Variants in CNTN4 observed in about 807,000 individuals in gnomAD.
The protein encoded by CNTN4 is contactin-4.
CNTN4 carries 77 observed loss-of-function variants against 122.5 expected under a neutral mutation model. That is an observed-to-expected ratio of 0.63 (90% CI 0.52 to 0.76). The LOEUF is 0.76. Ranked by LOEUF, CNTN4 falls within the 30% of genes least tolerant of loss-of-function variation. The pLI is 0.00. For synonymous variants in CNTN4, 512 were observed against 447.0 expected, an observed-to-expected ratio of 1.15 and a Z score of -1.83; for missense variants, 1,256 against 1,259.1, an observed-to-expected ratio of 1.00 and a Z score of 0.04.
intron 3 of CNTN4, among the ~76,000 whole-genome samples, chr3:2,566,605 G>A (rs984536785): frequency 2.0e-5 from 3 of 152,102 alleles, no homozygotes; most frequent in Non-Finnish European, 2.9e-5. Context: ...TATTTGGTGG[G>A]GGCCAGGAGG....
chr3:2,809,783 G>A (rs1260361412), intron 6 of CNTN4, among the ~76,000 whole-genome samples: 5 of 152,184 alleles, frequency 3.3e-5, no homozygotes, highest in Non-Finnish European at 7.3e-5. Context: ...AACCTCATGA[G>A]TTAGATAGGT....
At chr3:2,967,200 C>T (rs912218588) in intron 13 of CNTN4, among the ~76,000 whole-genome samples, 23 of 152,074 alleles carry the variant, frequency 1.5e-4, no homozygotes, top group Admixed American at 4.6e-4. Flanking sequence ...CATAGGAAGT[C>T]GTAGCTGTCT....
At chr3:2,886,950 A>G (rs768088508) in intron 9 of CNTN4, 90 bp from the exon 10 acceptor site, 84 of 1,086,952 alleles carry the variant, frequency 7.7e-5, no homozygotes, top group Non-Finnish European at 1.1e-4. Context: ...CCAACCTTAT[A>G]TGTGTAGAAC....
chr3:2,267,320 T>G (rs2041093399), intron 2 of CNTN4, among the ~76,000 whole-genome samples: 1 of 152,152 alleles, frequency 6.6e-6, no homozygotes, highest in African/African-American at 2.4e-5. Context: ...AGAACACTAT[T>G]TCAAAGAGCC....
At chr3:2,152,013 G>T (rs574911161) in intron 2 of CNTN4, among the ~76,000 whole-genome samples, 1 of 152,194 alleles carries the variant, frequency 6.6e-6, no homozygotes, top group Non-Finnish European at 1.5e-5. Context: ...TAACTGATCA[G>T]TGTTTTAAAA....
intron 2 of CNTN4, among the ~76,000 whole-genome samples, chr3:2,284,985 C>A: frequency 6.6e-6 from 1 of 151,520 alleles, no homozygotes; most frequent in Non-Finnish European, 1.5e-5. Flanking sequence ...AGTTTTTATT[C>A]TCTCTATATA....
chr3:2,680,917 T>C (rs2085130165), intron 4 of CNTN4, among the ~76,000 whole-genome samples: 1 of 152,230 alleles, frequency 6.6e-6, no homozygotes, highest in Non-Finnish European at 1.5e-5. Flanking sequence ...GTTTTCTAGA[T>C]GTTCTACAGT....
chr3:2,653,218 CT>C (rs897839805), intron 4 of CNTN4, among the ~76,000 whole-genome samples: 3 of 152,054 alleles, frequency 2.0e-5, no homozygotes, highest in East Asian at 3.9e-4. Context: ...AAAGCAAGGA[CT>C]TTTTTTATTT....
chr3:2,489,804 A>G (rs1460322692), intron 3 of CNTN4, among the ~76,000 whole-genome samples: 2 of 152,100 alleles, frequency 1.3e-5, no homozygotes, highest in Admixed American at 1.3e-4. Flanking sequence ...CTTTCTTTCT[A>G]CTTTCCTCCC....
chr3:2,945,245 A>T (rs189969645), intron 13 of CNTN4, among the ~76,000 whole-genome samples: 139 of 152,216 alleles, frequency 9.1e-4, no homozygotes, highest in African/African-American at 2.8e-3. Flanking sequence ...CATTATTTTT[A>T]AAAAAATGTC....
At chr3:2,966,598 T>C (rs1416998217) in intron 13 of CNTN4, among the ~76,000 whole-genome samples, 1 of 152,170 alleles carries the variant, frequency 6.6e-6, no homozygotes, top group African/African-American at 2.4e-5. Flanking sequence ...TAATTTATTG[T>C]ATATTTTGAA....
intron 4 of CNTN4, among the ~76,000 whole-genome samples, chr3:2,694,530 G>C (rs546688768): frequency 6.6e-6 from 1 of 152,200 alleles, no homozygotes; most frequent in East Asian, 1.9e-4. Context: ...AGGAGTTCGA[G>C]ATCAGCCTGG....
intron 2 of CNTN4, among the ~76,000 whole-genome samples, chr3:2,238,410 TG>T (rs547194893): frequency 6.6e-6 from 1 of 152,034 alleles, no homozygotes; most frequent in Non-Finnish European, 1.5e-5. Context: ...AAAATTTATT[TG>T]CCAATAAAAT....
chr3:2,122,047 C>G (rs199522496), intron 2 of CNTN4, among the ~76,000 whole-genome samples: 2 of 151,202 alleles, frequency 1.3e-5, no homozygotes, highest in African/African-American at 4.9e-5. Context: ...CCCAGCTACT[C>G]GGGAGGCTGA....
intron 6 of CNTN4, among the ~76,000 whole-genome samples, chr3:2,750,006 C>T (rs2090013780): frequency 6.6e-6 from 1 of 152,130 alleles, no homozygotes. Flanking sequence ...CTATACCATG[C>T]AAGTGAGAAT....
intron 3 of CNTN4, among the ~76,000 whole-genome samples, chr3:2,557,206 G>A (rs1220457588): frequency 2.6e-5 from 4 of 152,012 alleles, no homozygotes; most frequent in African/African-American, 7.3e-5. Flanking sequence ...CCAACAATAG[G>A]CCTAGACTGC....
intron 6 of CNTN4, among the ~76,000 whole-genome samples, chr3:2,812,313 T>C (rs2092632044): frequency 1.3e-5 from 2 of 152,202 alleles, no homozygotes; most frequent in South Asian, 4.1e-4. Flanking sequence ...TACTGTTGTA[T>C]AGAAACAATA....
chr3:2,474,008 C>T (rs1294055404), intron 3 of CNTN4, among the ~76,000 whole-genome samples: 3 of 144,614 alleles, frequency 2.1e-5, no homozygotes, highest in Admixed American at 1.4e-4. Flanking sequence ...AAGCAAAACT[C>T]GGTCTCAAAA....
At chr3:2,224,926 G>A (rs1206139500) in intron 2 of CNTN4, among the ~76,000 whole-genome samples, 1 of 151,962 alleles carries the variant, frequency 6.6e-6, no homozygotes, top group Non-Finnish European at 1.5e-5. Flanking sequence ...CGAGGCGGGT[G>A]GATCACGAGG....
Sources: gnomAD v4.1 joint callset for allele counts (sites outside exome capture counted in the v4.1 genomes callset) on GRCh38, gnomAD v4.1.1 for gene constraint, MANE v1.5 for transcripts, NCBI Gene and HGNC (gene_info 2026-07-23, HGNC 2026-07-21) for gene names.